PTPRK: variants seen among roughly 807,000 people sequenced by gnomAD.
PTPRK encodes the protein receptor-type tyrosine-protein phosphatase kappa.
PTPRK carries 75 observed loss-of-function variants against 178.0 expected under a neutral mutation model. The observed-to-expected ratio is 0.42, with a 90% CI of 0.35 to 0.51. The LOEUF (loss-of-function observed/expected upper bound fraction) is 0.51, where lower values mean the gene tolerates loss of function less well. Among genes scored for constraint, PTPRK ranks in the 20% least tolerant of loss-of-function variants. The pLI, the probability that PTPRK is intolerant of heterozygous loss-of-function variation, is 0.02. For synonymous variants in PTPRK, 637 were observed against 620.6 expected, an observed-to-expected ratio of 1.03 and a Z score of -0.39; for missense variants, 1,441 against 1,797.8, an observed-to-expected ratio of 0.80 and a Z score of 3.59.
chr6:128,460,516 G>A (rs1383499687), intron 1 of PTPRK, among the ~76,000 whole-genome samples: 1 of 151,802 alleles, frequency 6.6e-6, no homozygotes, highest in East Asian at 1.9e-4. Context: ...CTGTACTCCA[G>A]CCTAGGCAAC....
At chr6:128,302,727 T>C (rs575399412) in intron 3 of PTPRK, among the ~76,000 whole-genome samples, 3 of 152,292 alleles carry the variant, frequency 2.0e-5, no homozygotes, top group East Asian at 3.9e-4. Context: ...TAGACTATCA[T>C]AAATGTTGGT....
At chr6:128,245,511 C>T (rs889301269) in intron 3 of PTPRK, among the ~76,000 whole-genome samples, 1 of 152,154 alleles carries the variant, frequency 6.6e-6, no homozygotes, top group Non-Finnish European at 1.5e-5. Flanking sequence ...GGCTCATCTC[C>T]CTTCCATCTG....
chr6:128,491,595 C>T (rs1015881954), intron 1 of PTPRK: 1 of 336,544 alleles, frequency 3.0e-6, no homozygotes, highest in Non-Finnish European at 6.0e-6. Context: ...TACCTGCAGT[C>T]AATTCTCAAG....
In PTPRK at chr6:128,450,817, A is replaced by G. The variant is rs116639066; in HGVS notation, c.101-53129T>C. On this transcript the variant is annotated intron_variant, in intron 1 of 29. Coordinates refer to ENST00000368226, the MANE Select transcript of PTPRK (RefSeq NM_002844.4). ...TCGTTATGTCATTTTAATATTCTGT[A>G]TGATGAAGGAAAGTATACATAAAGC... 4.4e-3 allele frequency among the ~76,000 whole-genome samples: 677 copies of G among 152,340 alleles called. 5 individuals are homozygous for G. The highest frequency in any genetic ancestry group is 0.015 in the African/African-American group (642 of 41,590).
chr6:128,455,206 T>C (rs902830856), intron 1 of PTPRK, among the ~76,000 whole-genome samples: 1 of 152,148 alleles, frequency 6.6e-6, no homozygotes, highest in Non-Finnish European at 1.5e-5. Flanking sequence ...CCACAAGTCA[T>C]CTAAATTAGC....
At chr6:128,211,897 A>G (rs1018106747) in intron 6 of PTPRK, among the ~76,000 whole-genome samples, 2 of 152,022 alleles carry the variant, frequency 1.3e-5, no homozygotes, top group Non-Finnish European at 2.9e-5. Flanking sequence ...CTTACTCATT[A>G]TACCACTAAA....
At chr6:128,510,564 C>T (rs1394073071) in intron 1 of PTPRK, among the ~76,000 whole-genome samples, 4 of 152,118 alleles carry the variant, frequency 2.6e-5, no homozygotes, top group Non-Finnish European at 5.9e-5. Flanking sequence ...ATATCATTTA[C>T]CACAGCTTAC....
At chr6:128,179,847 T>C (rs1801639695) in intron 7 of PTPRK, among the ~76,000 whole-genome samples, 1 of 152,066 alleles carries the variant, frequency 6.6e-6, no homozygotes, top group Non-Finnish European at 1.5e-5. Flanking sequence ...GAGTATTATT[T>C]TGTTTTGTTT....
rs559129864 is a variant in PTPRK at position 128,263,979 on chromosome 6, C to T, written c.496-21377G>A. 3.3e-5 allele frequency among the ~76,000 whole-genome samples: 5 copies of T among 152,164 alleles called. No individual in the cohort carries two copies. The South Asian group carries it at 1.0e-3, about 32-fold the overall frequency. ...CACAGCTGTTTCTTTCCAAGGAGGTCCTTGAAGATAGAGGAGGTTGGTATG... is the reference window on the plus strand; with the variant it reads ...CACAGCTGTTTCTTTCCAAGGAGGTTCTTGAAGATAGAGGAGGTTGGTATG... On this transcript the variant is annotated intron_variant, in intron 3 of 29. Transcript: ENST00000368226.
intron 2 of PTPRK, among the ~76,000 whole-genome samples, chr6:128,328,153 G>A (rs1349476433): frequency 6.6e-6 from 1 of 152,350 alleles, no homozygotes. Context: ...ACCAAGAATA[G>A]ATGATCCTTC....
intron 3 of PTPRK, among the ~76,000 whole-genome samples, chr6:128,258,502 GTTTCGCTATGTACT>G (rs1279470071): frequency 1.3e-5 from 2 of 152,144 alleles, no homozygotes; most frequent in Non-Finnish European, 2.9e-5. Context: ...AAAAATGTTA[GTTTCGCTATGTACT>G]TTTTTCATTG....
intron 18 of PTPRK, among the ~76,000 whole-genome samples, chr6:127,994,947 T>C (rs1395757965): frequency 6.6e-6 from 1 of 151,892 alleles, no homozygotes; most frequent in Non-Finnish European, 1.5e-5. Context: ...CTCACATATG[T>C]TTAGGGAAGG....
intron 14 of PTPRK, among the ~76,000 whole-genome samples, chr6:128,007,012 T>TA (rs1286640161): frequency 6.6e-6 from 1 of 150,840 alleles, no homozygotes; most frequent in Non-Finnish European, 1.5e-5. Context: ...AAAATGTAGA[T>TA]AAGAGGCTAA....
At chr6:128,490,593 C>T (rs952919135) in intron 1 of PTPRK, among the ~76,000 whole-genome samples, 4 of 152,154 alleles carry the variant, frequency 2.6e-5, no homozygotes, top group African/African-American at 9.7e-5. Context: ...AATCACACTC[C>T]CCATGTGTAA....
chr6:128,252,044 C>T (rs1816549922), intron 3 of PTPRK, among the ~76,000 whole-genome samples: 1 of 152,132 alleles, frequency 6.6e-6, no homozygotes, highest in Non-Finnish European at 1.5e-5. Context: ...AAGCACATGG[C>T]AGTGTCCAGG....
At chr6:128,197,189 T>TC (rs1805023329) in intron 6 of PTPRK, among the ~76,000 whole-genome samples, 1 of 151,088 alleles carries the variant, frequency 6.6e-6, no homozygotes, top group Non-Finnish European at 1.5e-5. Flanking sequence ...TTTTTCTTTT[T>TC]TTTTTTTTTG....
At chr6:128,168,031 T>C (rs1353453307) in intron 7 of PTPRK, among the ~76,000 whole-genome samples, 6 of 152,000 alleles carry the variant, frequency 3.9e-5, no homozygotes, top group Non-Finnish European at 8.8e-5. Flanking sequence ...TAAAACATTA[T>C]CCTAAAAGCA....
chr6:128,315,601 A>C (rs979883869), intron 3 of PTPRK, among the ~76,000 whole-genome samples: 3 of 152,172 alleles, frequency 2.0e-5, no homozygotes, highest in African/African-American at 4.8e-5. Context: ...TTTAGTGTCC[A>C]AAGTTTGTTT....
chr6:128,090,310 C>A (rs1218655259), intron 7 of PTPRK, among the ~76,000 whole-genome samples: 1 of 152,164 alleles, frequency 6.6e-6, no homozygotes, highest in Non-Finnish European at 1.5e-5. Flanking sequence ...CAATTCTCTG[C>A]CTTTCTTTTG....
Sources: gnomAD v4.1 joint callset for allele counts (sites outside exome capture counted in the v4.1 genomes callset) on GRCh38, gnomAD v4.1.1 for gene constraint, MANE v1.5 for transcripts, NCBI Gene and HGNC (gene_info 2026-07-23, HGNC 2026-07-21) for gene names.